Variants in PHACTR1 observed in about 807,000 individuals in gnomAD.
The protein encoded by PHACTR1 is RPEL repeat containing 1.
A neutral mutation model predicts 69.2 loss-of-function variants in PHACTR1; 16 were observed. That is an observed-to-expected ratio of 0.23 (90% CI 0.16 to 0.35). PHACTR1 has a LOEUF of 0.35. Ranked by LOEUF, PHACTR1 falls within the 10% of genes least tolerant of loss-of-function variation. The probability of loss-of-function intolerance (pLI) is 1.00; values close to 1 mark genes in which losing one functional copy is unlikely to be tolerated. For missense variants in PHACTR1, 510 were observed against 734.7 expected (o/e 0.69, Z 3.54); for synonymous variants, 312 against 284.5 (o/e 1.10, Z -0.97).
At chr6:13,076,805 A>G (rs1251902367) in intron 5 of PHACTR1, among the ~76,000 whole-genome samples, 1 of 151,994 alleles carries the variant, frequency 6.6e-6, no homozygotes, top group Non-Finnish European at 1.5e-5. Context: ...GTTAAGGAGA[A>G]GCATGTCCAA....
At chr6:12,790,188 A>C (rs2184028) in intron 4 of PHACTR1, among the ~76,000 whole-genome samples, 149,957 of 152,256 alleles carry the variant, frequency 0.98, 73,888 homozygotes, top group Middle Eastern at 1. Context: ...TCAATTCCTA[A>C]TTTCACTTAG....
intron 4 of PHACTR1, among the ~76,000 whole-genome samples, chr6:12,763,494 C>T (rs1157662477): frequency 2.6e-5 from 4 of 152,164 alleles, no homozygotes; most frequent in African/African-American, 9.7e-5. Flanking sequence ...ACGAACAATT[C>T]AGCAGAGTTA....
intron 4 of PHACTR1, among the ~76,000 whole-genome samples, chr6:12,859,670 G>T (rs1188299089): frequency 6.6e-6 from 1 of 152,154 alleles, no homozygotes; most frequent in Admixed American, 6.5e-5. Context: ...TTGAGAGCAG[G>T]TCTATGAACT....
chr6:13,111,347 C>G (rs989623647), intron 5 of PHACTR1, among the ~76,000 whole-genome samples: 5 of 151,964 alleles, frequency 3.3e-5, no homozygotes, highest in Admixed American at 6.6e-5. Context: ...ATTTGGAACT[C>G]CATTTATTTT....
intron 4 of PHACTR1, among the ~76,000 whole-genome samples, chr6:12,874,440 T>G (rs66867947): frequency 0.26 from 39,201 of 152,174 alleles, 5,519 homozygotes; most frequent in Middle Eastern, 0.37. Context: ...AGAACAGCTG[T>G]ATAAATACCA....
chr6:13,228,060 A>G lies in PHACTR1; in HGVS notation c.1231A>G (p.Thr411Ala), dbSNP rs1305036475. 1 of 1,610,082 alleles carries G rather than the reference A, an allele frequency of 6.2e-7. No individual in the cohort carries two copies. Among genetic ancestry groups the G allele is most frequent in the Non-Finnish European group, 8.5e-7 (1 of 1,179,490 alleles). Residue 411 changes from threonine (T) to alanine (A), a missense_variant, in exon 9 of 15, where the codon ACC becomes GCC. Thr to Ala is a moderately conservative substitution (Grantham distance 58, BLOSUM62 0). This residue lies in a region of PHACTR1 where 419 missense variants were observed against 530.9 expected (regional missense o/e 0.79). Transcript: ENST00000332995. Reference sequence around the variant, plus strand: ...CGAAGACGACGACAGCTCATTATACACCAGTGCGTTCATCTTAACTCATCA... The same window carrying G: ...CGAAGACGACGACAGCTCATTATACGCCAGTGCGTTCATCTTAACTCATCA... ...EDEDDDSSLY[T>A]SSLAMKVCRK...
chr6:13,107,801 CTCA>C lies in PHACTR1; in HGVS notation c.416-52400_416-52398del, dbSNP rs1816409371. On this transcript the variant is annotated intron_variant, in intron 5 of 14. Coordinates refer to ENST00000332995, the MANE Select transcript of PHACTR1 (RefSeq NM_030948.6). ...GTTTTCCTAGAGGTTATCACTTTTT[CTCA>C]TCTTTTCAAAGACACACCCTTTAGT... Among the ~76,000 whole-genome samples the C allele has an allele frequency of 8.6e-5, 13 of 151,942 alleles. No homozygotes were observed. In the South Asian group the frequency reaches 2.7e-3, roughly 32 times the overall value.
chr6:13,058,343 G>A (rs936532041), intron 5 of PHACTR1, among the ~76,000 whole-genome samples: 1 of 152,156 alleles, frequency 6.6e-6, no homozygotes, highest in African/African-American at 2.4e-5. Context: ...ATAAGCTGCA[G>A]GGGTTGGCCG....
At chr6:12,870,609 C>A (rs1438185839) in intron 4 of PHACTR1, among the ~76,000 whole-genome samples, 1 of 151,852 alleles carries the variant, frequency 6.6e-6, no homozygotes, top group East Asian at 1.9e-4. Flanking sequence ...TATAATTGCA[C>A]ATCTATAATT....
In PHACTR1 at chr6:13,084,466, A is replaced by T. The variant is rs930856819; in HGVS notation, c.415+30937A>T. Among the ~76,000 whole-genome samples the T allele has an allele frequency of 3.3e-5, 5 of 151,918 alleles. 1 individual carries two copies. Among genetic ancestry groups the T allele is most frequent in the African/African-American group, 1.2e-4 (5 of 41,364 alleles). ...TGCAGCATACCAACCTGGCACATGTATACCTATGTAACAAACCTGCACGTT... is the reference window on the plus strand; with the variant it reads ...TGCAGCATACCAACCTGGCACATGTTTACCTATGTAACAAACCTGCACGTT... On this transcript the variant is annotated intron_variant, in intron 5 of 14. Coordinates refer to ENST00000332995, the MANE Select transcript of PHACTR1 (RefSeq NM_030948.6).
intron 12 of PHACTR1, chr6:13,280,935 A>G (rs2127476983): frequency 7.8e-7 from 1 of 1,287,730 alleles, no homozygotes; most frequent in Non-Finnish European, 1.0e-6. Context: ...CCATGCACAC[A>G]GAGGAGCGTC....
Position 12,933,538 on chromosome 6 carries a change from T to C in PHACTR1, c.251-119827T>C, listed in dbSNP as rs1789100465. Reference sequence around the variant, plus strand: ...TCGGTTAGAACTGATGACTATTTAATATAATGGATCTCGCCAGGGTGATTC... The same window carrying C: ...TCGGTTAGAACTGATGACTATTTAACATAATGGATCTCGCCAGGGTGATTC... On this transcript the variant is annotated intron_variant, in intron 4 of 14. Transcript: ENST00000332995. The C allele has an allele frequency of 2.6e-6, 4 of 1,547,604 alleles. No individual in the cohort carries two copies. In the African/African-American group the frequency reaches 4.1e-5, roughly 16 times the overall value.
chr6:13,225,550 C>T (rs1276519355), intron 8 of PHACTR1, among the ~76,000 whole-genome samples: 3 of 152,238 alleles, frequency 2.0e-5, no homozygotes, highest in Admixed American at 6.5e-5. Flanking sequence ...TTGTTGATTA[C>T]ACACTACCTA....
chr6:12,845,422 A>AC (rs879435671), intron 4 of PHACTR1, among the ~76,000 whole-genome samples: 4,416 of 12,680 alleles, frequency 0.35, 492 homozygotes, highest in Middle Eastern at 0.44. Context: ...CATTGTGAAC[A>AC]CCACCCACCC....
chr6:12,896,180 T>A (rs778057486), intron 4 of PHACTR1, among the ~76,000 whole-genome samples: 5 of 152,240 alleles, frequency 3.3e-5, no homozygotes, highest in African/African-American at 4.8e-5. Context: ...GGCATAGCCC[T>A]TGTGTACGTA....
At chr6:12,751,168 G>C (rs774036178) in intron 4 of PHACTR1, among the ~76,000 whole-genome samples, 5 of 152,236 alleles carry the variant, frequency 3.3e-5, no homozygotes, top group Non-Finnish European at 7.3e-5. Context: ...GAATGTGCCA[G>C]AGTGGCCAAC....
At chr6:13,017,185 C>CAAAAAA (rs5874397) in intron 4 of PHACTR1, among the ~76,000 whole-genome samples, 2 of 77,216 alleles carry the variant, frequency 2.6e-5, no homozygotes, top group Non-Finnish European at 4.5e-5. Flanking sequence ...GACTCTGTCT[C>CAAAAAA]AAAAAAAAAA....
intron 4 of PHACTR1, among the ~76,000 whole-genome samples, chr6:12,830,464 G>A (rs1029493158): frequency 6.6e-6 from 1 of 151,798 alleles, no homozygotes; most frequent in Non-Finnish European, 1.5e-5. Flanking sequence ...TAGAAATGAT[G>A]ACTAGAAGGA....
intron 10 of PHACTR1, among the ~76,000 whole-genome samples, chr6:13,269,304 A>G (rs1166929086): frequency 2.6e-5 from 4 of 152,238 alleles, no homozygotes; most frequent in Non-Finnish European, 5.9e-5. Context: ...GGTGAGAAAG[A>G]GCTGTTAAGA....
Sources: allele counts gnomAD v4.1 joint callset (sites outside exome capture counted in the v4.1 genomes callset), GRCh38; gene constraint gnomAD v4.1.1; regional missense constraint gnomAD v4.1.1; transcripts MANE v1.5; gene names NCBI Gene and HGNC (gene_info 2026-07-23, HGNC 2026-07-21).